Variants in TNFSF11 observed in about 807,000 individuals in gnomAD.
TNFSF11 encodes the protein TNF superfamily member 11.
In TNFSF11, 12 loss-of-function variants were observed where a neutral mutation model predicts 32.2. The observed-to-expected ratio is 0.37, with a 90% CI of 0.24 to 0.60. The LOEUF is 0.60. Ranked by LOEUF, TNFSF11 falls within the 20% of genes least tolerant of loss-of-function variation. The probability of loss-of-function intolerance (pLI) is 0.66; values close to 1 mark genes in which losing one functional copy is unlikely to be tolerated. For missense variants in TNFSF11, 345 were observed against 398.0 expected, an observed-to-expected ratio of 0.87 and a Z score of 1.13; for synonymous variants, 172 against 152.1, an observed-to-expected ratio of 1.13 and a Z score of -0.96.
chr13:42,574,571 T>G, intron 1 of TNFSF11, 49 bp downstream of exon 1: 2 of 1,579,198 alleles, frequency 1.3e-6, no homozygotes, highest in Non-Finnish European at 1.7e-6. Context: ...GCCCATCTCC[T>G]TCCCCCGCAC....
At chr13:42,579,653 G>C (rs1873500059) in intron 1 of TNFSF11, among the ~76,000 whole-genome samples, 2 of 142,712 alleles carry the variant, frequency 1.4e-5, no homozygotes, top group Non-Finnish European at 3.0e-5. Context: ...CTTCATATCA[G>C]TTGCCTGGAC....
At chr13:42,606,242 A>T (rs1191659363) in intron 4 of TNFSF11, among the ~76,000 whole-genome samples, 3 of 151,814 alleles carry the variant, frequency 2.0e-5, no homozygotes, top group Non-Finnish European at 2.9e-5. Context: ...TATCGTACTT[A>T]CCCCTGGTGC....
intron 4 of TNFSF11, among the ~76,000 whole-genome samples, chr13:42,602,015 A>G (rs1430859115): frequency 2.0e-5 from 3 of 152,192 alleles, no homozygotes; most frequent in Admixed American, 1.3e-4. Context: ...AGCAGGCCAC[A>G]AGGTACTTGT....
At chr13:42,563,212 T>G (rs753440314) in intron 1 of TNFSF11, among the ~76,000 whole-genome samples, 1 of 152,242 alleles carries the variant, frequency 6.6e-6, no homozygotes, top group South Asian at 2.1e-4. Context: ...GGTAAAGTTT[T>G]CAGACTGAAA....
upstream of TNFSF11, among the ~76,000 whole-genome samples, chr13:42,573,885 T>C (rs894661468): frequency 6.6e-6 from 1 of 152,180 alleles, no homozygotes; most frequent in Non-Finnish European, 1.5e-5. Context: ...CCTCTGCGTC[T>C]TCTTTAACCC....
intron 4 of TNFSF11, among the ~76,000 whole-genome samples, chr13:42,605,276 C>G (rs1366927895): frequency 1.3e-5 from 2 of 152,230 alleles, no homozygotes; most frequent in Non-Finnish European, 2.9e-5. Flanking sequence ...TGCAGGAACT[C>G]TCTCAACTCC....
At chr13:42,584,721 C>T (rs1045406580) in intron 2 of TNFSF11, among the ~76,000 whole-genome samples, 10 of 152,132 alleles carry the variant, frequency 6.6e-5, no homozygotes, top group South Asian at 2.1e-4. Flanking sequence ...TAATCAACTG[C>T]GCTTATTAAG....
intron 1 of TNFSF11, among the ~76,000 whole-genome samples, chr13:42,576,590 T>C (rs778648468): frequency 5.3e-5 from 8 of 152,216 alleles, no homozygotes; most frequent in Non-Finnish European, 1.2e-4. Context: ...CAAAATAATT[T>C]AGCTATTATT....
intron 2 of TNFSF11, among the ~76,000 whole-genome samples, chr13:42,585,157 A>G (rs146419537): frequency 2.0e-5 from 3 of 152,374 alleles, no homozygotes; most frequent in East Asian, 1.9e-4. Context: ...GACATTCTAC[A>G]CATCTTGCCA....
intron 4 of TNFSF11, among the ~76,000 whole-genome samples, chr13:42,602,822 A>ATATTG (rs1486469020): frequency 6.6e-6 from 1 of 152,222 alleles, no homozygotes; most frequent in African/African-American, 2.4e-5. Context: ...TTCACTTTAA[A>ATATTG]TGGCATATGA....
chr13:42,581,169 A>G lies in TNFSF11; in HGVS notation c.263A>G (p.Tyr88Cys), dbSNP rs747449633. 1.6e-5 allele frequency: 26 copies of G among 1,614,164 alleles called. No individual in the cohort carries two copies. The highest frequency in any genetic ancestry group is 2.1e-5 in the Non-Finnish European group (25 of 1,179,992). Residue 88 changes from tyrosine (Y) to cysteine (C), a missense_variant, in exon 2 of 5, where the codon TAT (tyrosine) becomes TGT (cysteine). By Grantham distance (194) the Tyr-to-Cys change is radical (BLOSUM62 -2). Transcript: ENST00000398795. ...RISEDGTHCI[Y>C]RILRLHENAD... is the part of the protein sequence containing the mutation. ...TCAGAAGATGGCACTCACTGCATTT[A>G]TAGAATTTTGAGACTCCATGAAAAT...
intron 4 of TNFSF11, among the ~76,000 whole-genome samples, chr13:42,603,610 A>G (rs1370449306): frequency 6.6e-6 from 1 of 152,022 alleles, no homozygotes; most frequent in African/African-American, 2.4e-5. Flanking sequence ...AGCCCATCCA[A>G]GTCTGACCCA....
At chr13:42,569,336 C>T (rs140448482), upstream of TNFSF11, among the ~76,000 whole-genome samples, 578 of 151,948 alleles carry the variant, frequency 3.8e-3, 5 homozygotes, top group African/African-American at 0.012. Context: ...ATCATGAGGT[C>T]GGGAGATCGA....
At chr13:42,596,816 AT>A (rs1487849426) in intron 2 of TNFSF11, among the ~76,000 whole-genome samples, 4 of 152,242 alleles carry the variant, frequency 2.6e-5, no homozygotes, top group Admixed American at 2.6e-4. Flanking sequence ...ATTAGTAACA[AT>A]GCTTCTCAAT....
At chr13:42,599,329 C>CTATG (rs774801892) in intron 2 of TNFSF11, among the ~76,000 whole-genome samples, 1 of 142,318 alleles carries the variant, frequency 7.0e-6, no homozygotes, top group Non-Finnish European at 1.5e-5. Context: ...ATCTATCTAT[C>CTATG]TATCTATCTA....
At chr13:42,594,599 C>G (rs1358774790) in intron 2 of TNFSF11, among the ~76,000 whole-genome samples, 1 of 152,192 alleles carries the variant, frequency 6.6e-6, no homozygotes, top group African/African-American at 2.4e-5. Context: ...TGAAAATACT[C>G]CTAAGTGTTT....
chr13:42,600,974 C>A lies in TNFSF11; in HGVS notation c.525C>A (p.Ile175=). ...ATCTCACTATTAATGCCACCGACAT[C>A]CCATCTGGTAAGCTCTATCTGCATC... ...FAHLTINATD[I]PSGSHKVSLS... The change falls in exon 4 of 5, where the codon ATC becomes ATA. Residue 175 remains isoleucine, a synonymous_variant. Coordinates refer to ENST00000398795, the MANE Select transcript of TNFSF11 (RefSeq NM_003701.4). 1 of 1,614,168 alleles carries A rather than the reference C, an allele frequency of 6.2e-7. No individual in the cohort carries two copies. The highest frequency in any genetic ancestry group is 8.5e-7 in the Non-Finnish European group (1 of 1,180,002).
intron 4 of TNFSF11, among the ~76,000 whole-genome samples, chr13:42,606,158 C>A (rs987184067): frequency 1.3e-5 from 2 of 152,178 alleles, no homozygotes; most frequent in Admixed American, 1.3e-4. Context: ...CTTGTCTCTC[C>A]GTCCTTTGAG....
At chr13:42,591,173 T>C (rs79393314) in intron 2 of TNFSF11, among the ~76,000 whole-genome samples, 1 of 152,174 alleles carries the variant, frequency 6.6e-6, no homozygotes, top group East Asian at 1.9e-4. Context: ...GTGCGGAGTG[T>C]GTAGAATTCA....
Sources: allele counts gnomAD v4.1 joint callset (sites outside exome capture counted in the v4.1 genomes callset), GRCh38; gene constraint gnomAD v4.1.1; transcripts MANE v1.5; gene names NCBI Gene and HGNC (gene_info 2026-07-23, HGNC 2026-07-21).